The following USPL1 variants were observed in gnomAD, a reference collection of about 807,000 sequenced individuals.
USPL1 encodes SUMO-specific isopeptidase USPL1.
USPL1 carries 27 observed loss-of-function variants against 51.5 expected under a neutral mutation model. That is an observed-to-expected ratio of 0.52 (90% CI 0.39 to 0.72). USPL1 has a LOEUF of 0.72. Ranked by LOEUF, USPL1 falls within the 30% of genes least tolerant of loss-of-function variation. The pLI is 0.00. For synonymous variants in USPL1, 451 were observed against 459.6 expected (o/e 0.98, Z 0.24); for missense variants, 1,226 against 1,268.0 (o/e 0.97, Z 0.50).
chr13:30,621,943 G>T (rs1950652371), intron 3 of USPL1, 51 bp downstream of exon 3: 4 of 1,235,122 alleles, frequency 3.2e-6, no homozygotes, highest in Non-Finnish European at 4.2e-6. Flanking sequence ...TTTTTCTTTT[G>T]CTTTTTTATT....
chr13:30,627,187 A>G (rs1950728351), intron 3 of USPL1, among the ~76,000 whole-genome samples: 1 of 152,096 alleles, frequency 6.6e-6, no homozygotes, highest in Admixed American at 6.6e-5. Flanking sequence ...GTATATTTTT[A>G]TGACTTTTTT....
chr13:30,646,343 G>A (rs1951017453), intron 6 of USPL1, among the ~76,000 whole-genome samples: 1 of 138,458 alleles, frequency 7.2e-6, no homozygotes, highest in Non-Finnish European at 1.6e-5. Flanking sequence ...AATTAATGCT[G>A]TGTGTGTGTG....
Position 30,658,975 on chromosome 13 carries a change from A to T in USPL1, c.2898A>T (p.Gln966His). ...TVPGVSLYSS[Q>H]THEEILAELL... Reference sequence around the variant, plus strand: ...CTGGTGTTTCCCTGTACAGTAGTCAAACTCATGAAGAAATTTTAGCGGAAT... The same window carrying T: ...CTGGTGTTTCCCTGTACAGTAGTCATACTCATGAAGAAATTTTAGCGGAAT... The change falls in exon 9 of 9, where the codon CAA (glutamine) becomes CAT (histidine). Residue 966 changes from glutamine to histidine, a missense_variant. Coordinates refer to ENST00000255304, the MANE Select transcript of USPL1 (RefSeq NM_005800.5). 6.2e-7 allele frequency: 1 copy of T among 1,614,190 alleles called. No homozygotes were observed. The highest frequency in any genetic ancestry group is 8.5e-7 in the Non-Finnish European group (1 of 1,180,036).
Position 30,621,178 on chromosome 13 carries a change from T to C in USPL1, c.38T>C (p.Val13Ala), listed in dbSNP as rs548489261. Residue 13 changes from valine (V) to alanine (A), a missense_variant, in exon 2 of 9, where the codon GTG becomes GCG. Coordinates refer to ENST00000255304, the MANE Select transcript of USPL1 (RefSeq NM_005800.5). ...CCGAAGATTGGAAATGGTTTGCCAG[T>C]GATTGGACCAGGGACTGATATAGGG... ...DSPKIGNGLP[V>A]IGPGTDIGIS... The C allele has an allele frequency of 6.2e-7, 1 of 1,607,672 alleles. No individual in the cohort carries two copies. Among genetic ancestry groups the C allele is most frequent in the African/African-American group, 1.3e-5 (1 of 74,634 alleles).
chr13:30,649,579 T>A, intron 7 of USPL1, among the ~76,000 whole-genome samples: 1 of 152,228 alleles, frequency 6.6e-6, no homozygotes, highest in Non-Finnish European at 1.5e-5. Context: ...AGGAGTTACA[T>A]TCAGACCATG....
Position 30,658,312 on chromosome 13 carries a change from G to C in USPL1, c.2235G>C (p.Gln745His). The change falls in exon 9 of 9, where the codon CAG (glutamine) becomes CAC (histidine). Residue 745 changes from glutamine to histidine, a missense_variant. Transcript: ENST00000255304. ...QTTTSKSLQN[Q>H]SLKENQKKPF... is the part of the protein sequence containing the mutation. The stretch of plus-strand genomic sequence containing the variant: ...CAACATCTAAGTCATTACAGAATCA[G>C]TCTCTGAAAGAAAATCAGAAGAAGC... 6.2e-7 allele frequency: 1 copy of C among 1,614,042 alleles called. No individual in the cohort carries two copies. Among genetic ancestry groups the C allele is most frequent in the Non-Finnish European group, 8.5e-7 (1 of 1,180,038 alleles).
chr13:30,629,033 G>A (rs571338826), intron 3 of USPL1, among the ~76,000 whole-genome samples: 1 of 152,330 alleles, frequency 6.6e-6, no homozygotes, highest in East Asian at 1.9e-4. Flanking sequence ...GGTGACTGCA[G>A]CTAGTTGGAA....
Position 30,659,179 on chromosome 13 carries a change from A to G in USPL1, c.3102A>G (p.Pro1034=), listed in dbSNP as rs141378094. Residue 1034 remains proline, a synonymous_variant, in exon 9 of 9, where the codon CCA becomes CCG. Transcript: ENST00000255304. ...ATTGTAGCCCCACCAAGAAAAATCC[A>G]TGTGAAGTTCAGCCAGACTCTCTGA... The part of the protein sequence containing the change: ...HNYCSPTKKN[P]CEVQPDSLTN... 68 of 1,614,040 alleles carry G rather than the reference A, an allele frequency of 4.2e-5. No individual in the cohort carries two copies. The African/African-American group carries it at 7.9e-4, about 19-fold the overall frequency.
In USPL1 at chr13:30,621,835, C is replaced by A. The variant is rs2137601370; in HGVS notation, c.171C>A (p.Ala57=). 1.3e-6 allele frequency: 2 copies of A among 1,584,144 alleles called. No individual in the cohort carries two copies. Among genetic ancestry groups the A allele is most frequent in the Middle Eastern group, 1.7e-4 (1 of 5,768 alleles). ...GTAGAGAGAAGGGAAAGTTAAAAGCCTTAAAGACTTACCGAATTAGTTTTC... is the reference window on the plus strand; with the variant it reads ...GTAGAGAGAAGGGAAAGTTAAAAGCATTAAAGACTTACCGAATTAGTTTTC... The part of the protein sequence containing the change: ...PACREKGKLK[A]LKTYRISFQE... The change falls in exon 3 of 9, where the codon GCC becomes GCA. Residue 57 remains alanine, a synonymous_variant. Coordinates refer to ENST00000255304, the MANE Select transcript of USPL1 (RefSeq NM_005800.5).
At position 30,658,560 on chromosome 13, in the gene USPL1, C is replaced by T; in HGVS notation, c.2483C>T (p.Pro828Leu). The T allele has an allele frequency of 6.2e-7, 1 of 1,614,132 alleles. No homozygotes were observed. Among genetic ancestry groups the T allele is most frequent in the Non-Finnish European group, 8.5e-7 (1 of 1,180,006 alleles). The change falls in exon 9 of 9, where the codon CCA (proline) becomes CTA (leucine). Residue 828 changes from proline to leucine, a missense_variant. By Grantham distance (98) the Pro-to-Leu change is moderately conservative. Transcript: ENST00000255304. ...AGTAAGCCTCCTCCCATCAGTAAGC[C>T]ACCAGCAGGCCCTCCATCGTCTAAT... ...SASKPPPISKPPAGPPSSNGT... is the reference protein window; with the variant it reads ...SASKPPPISKLPAGPPSSNGT...
intron 3 of USPL1, among the ~76,000 whole-genome samples, chr13:30,623,616 T>G (rs1950672285): frequency 6.6e-6 from 1 of 150,652 alleles, no homozygotes; most frequent in African/African-American, 2.4e-5. Context: ...TGAGCCTGTT[T>G]GCTAACACCG....
intron 8 of USPL1, among the ~76,000 whole-genome samples, chr13:30,657,125 T>C (rs770666485): frequency 2.6e-5 from 4 of 152,200 alleles, no homozygotes; most frequent in Admixed American, 2.0e-4. Context: ...TCATTCTCTC[T>C]TGACAAATGT....
At chr13:30,651,602 GT>G (rs1442778014) in intron 7 of USPL1, among the ~76,000 whole-genome samples, 12 of 152,322 alleles carry the variant, frequency 7.9e-5, no homozygotes, top group Middle Eastern at 3.4e-3. Flanking sequence ...TCAAGAGATT[GT>G]TTTAGTAACT....
chr13:30,630,843 TC>T lies in USPL1; in HGVS notation c.239del (p.Pro80LeufsTer10). On this transcript the variant is annotated frameshift_variant, in exon 4 of 9. Transcript: ENST00000255304. LOFTEE classifies it high-confidence loss of function. ...TTATTTTTACTTTCCAGTGCATCTA[TC>T]CTTTGGGCTCTAAATCACTTAATAA... is the stretch of plus-strand genomic sequence containing the variant. ...FLCEDLQCIY[P>X]LGSKSLNNLI... The T allele has an allele frequency of 6.2e-7, 1 of 1,600,604 alleles. No individual in the cohort carries two copies. Among genetic ancestry groups the T allele is most frequent in the Non-Finnish European group, 8.5e-7 (1 of 1,173,992 alleles).
chr13:30,642,762 G>C lies in USPL1; in HGVS notation c.1112+5G>C, dbSNP rs1361017640. On this transcript the variant is annotated splice_donor_5th_base_variant and intron_variant, in intron 6 of 8. Transcript: ENST00000255304. ...TGGACACCAATATCAAAACAGGTTA[G>C]TTTCTTTTGTTTTTTAAAATGGGTT... The C allele has an allele frequency of 5.6e-6, 9 of 1,604,292 alleles. No homozygotes were observed. The highest frequency in any genetic ancestry group is 1.7e-4 in the Middle Eastern group (1 of 6,022).
intron 3 of USPL1, among the ~76,000 whole-genome samples, chr13:30,627,536 T>C (rs970793922): frequency 1.4e-5 from 2 of 146,394 alleles, no homozygotes; most frequent in African/African-American, 5.2e-5. Context: ...TTTTTTTTTT[T>C]AATATGCATT....
At chr13:30,627,679 T>A (rs1051401595) in intron 3 of USPL1, among the ~76,000 whole-genome samples, 1 of 152,122 alleles carries the variant, frequency 6.6e-6, no homozygotes, top group African/African-American at 2.4e-5. Context: ...TAAAAAAATT[T>A]GTATTAATTT....
At chr13:30,633,600 A>G (rs1003124520) in intron 4 of USPL1, among the ~76,000 whole-genome samples, 22 of 151,912 alleles carry the variant, frequency 1.4e-4, no homozygotes, top group Non-Finnish European at 2.7e-4. Context: ...GTGAAACCCC[A>G]TCTCTACTAA....
chr13:30,638,002 A>G, intron 5 of USPL1, 145 bp downstream of exon 5: 1 of 695,078 alleles, frequency 1.4e-6, no homozygotes, highest in Non-Finnish European at 2.4e-6. Context: ...TTAGGAATCT[A>G]CCACTGGGTA....
Sources: allele counts gnomAD v4.1 joint callset (sites outside exome capture counted in the v4.1 genomes callset), GRCh38; gene constraint gnomAD v4.1.1; transcripts MANE v1.5; gene names NCBI Gene and HGNC (gene_info 2026-07-23, HGNC 2026-07-21).